SNX19: variants seen among roughly 807,000 people sequenced by gnomAD.
The protein encoded by SNX19 is sorting nexin-19.
In SNX19, 60 loss-of-function variants were observed where a neutral mutation model predicts 85.2. The ratio of observed to expected loss-of-function variants is 0.70; its 90% CI spans 0.57 to 0.87. The LOEUF is 0.87. Ranked by LOEUF, SNX19 falls within the 40% of genes least tolerant of loss-of-function variation. SNX19 has a pLI of 0.00. For synonymous variants in SNX19, 520 were observed against 470.0 expected, an observed-to-expected ratio of 1.11 and a Z score of -1.38; for missense variants, 1,201 against 1,217.8, an observed-to-expected ratio of 0.99 and a Z score of 0.21.
In SNX19 at chr11:130,877,824, T is replaced by C. The variant is rs1459187032; in HGVS notation, c.*598A>G. 6.6e-6 allele frequency: 1 copy of C among 152,618 alleles called. No homozygotes were observed. The highest frequency in any genetic ancestry group is 2.4e-5 in the African/African-American group (1 of 41,452). 9.5% of individuals were successfully genotyped at this position (152,618 alleles called of 1,614,324 possible). A position where few individuals can be genotyped will look rare whatever the true frequency, so the allele number is the denominator to read the frequency against. On this transcript the variant is annotated 3_prime_UTR_variant, in exon 11 of 11. Coordinates refer to ENST00000265909, the MANE Select transcript of SNX19 (RefSeq NM_014758.3). ...TGACATCTTCCATAAGGCTGATGTG[T>C]TGGGAAACAGCAACACATGAGCAAG...
chr11:130,898,150 C>G (rs935826280), intron 8 of SNX19, among the ~76,000 whole-genome samples: 4 of 99,380 alleles, frequency 4.0e-5, no homozygotes, highest in Non-Finnish European at 8.8e-5. Flanking sequence ...CGAACTTACT[C>G]TGTTTTTTTT....
rs1391061540 is a variant in SNX19 at position 130,916,020 on chromosome 11, T to C, written c.-81A>G. ...AGTTAGGGAAGGGGGGCATGAACTG[T>C]GTCTCAGATATGGGGCGATCTGGGT... On this transcript the variant is annotated 5_prime_UTR_variant, in exon 1 of 11. Coordinates refer to ENST00000265909, the MANE Select transcript of SNX19 (RefSeq NM_014758.3). The C allele has an allele frequency of 5.3e-6, 7 of 1,310,818 alleles. No individual in the cohort carries two copies. Among genetic ancestry groups the C allele is most frequent in the Middle Eastern group, 1.9e-4 (1 of 5,278 alleles). The allele number at this position is 1,310,818 out of a possible 1,614,324, so 81.2% of individuals were successfully genotyped here.
At position 130,916,230 on chromosome 11, in the gene SNX19, CG is replaced by C. The variant is rs986275999; in HGVS notation, c.-292del. 5.0e-6 allele frequency: 2 copies of C among 397,996 alleles called. No individual in the cohort carries two copies. The highest frequency in any genetic ancestry group is 9.2e-6 in the Non-Finnish European group (2 of 217,864). 24.7% of individuals were successfully genotyped at this position (397,996 alleles called of 1,614,324 possible). On this transcript the variant is annotated 5_prime_UTR_variant, in exon 1 of 11. Transcript: ENST00000265909. ...CACTGCCCCAGGCGGAAGGCCTCTT[CG>C]GGGCCTCGGGGCGGGCGCTGCAAGG...
intron 7 of SNX19, among the ~76,000 whole-genome samples, chr11:130,905,470 C>A (rs1211967679): frequency 6.6e-6 from 1 of 152,038 alleles, no homozygotes; most frequent in Non-Finnish European, 1.5e-5. Context: ...GAGCTGAAGC[C>A]AACACTACAG....
Position 130,868,073 on chromosome 11 carries a change from C to CT in SNX19, c.*10348dup, listed in dbSNP as rs1199020547. 6.6e-6 allele frequency: 1 copy of CT among 152,142 alleles called. No individual in the cohort carries two copies. Among genetic ancestry groups the CT allele is most frequent in the African/African-American group, 2.4e-5 (1 of 41,420 alleles). The allele number at this position is 152,142 out of a possible 1,614,324, so 9.4% of individuals were successfully genotyped here. On this transcript the variant is annotated 3_prime_UTR_variant, in exon 11 of 11. Coordinates refer to ENST00000265909, the MANE Select transcript of SNX19 (RefSeq NM_014758.3). ...AATGGCTTCTCTGCCTTCATATTGCCTGAAGAGTTAAACAGACACAATCTG... is the reference window on the plus strand; with the variant it reads ...AATGGCTTCTCTGCCTTCATATTGCCTTGAAGAGTTAAACAGACACAATCTG...
rs1351027765 is a variant in SNX19 at position 130,915,893 on chromosome 11, G to C, written c.47C>G (p.Ser16Trp). Reference sequence around the variant, plus strand: ...CAACAGGTTATTGAGGTGACAGCTCGATCCAGCTGGAGTTTCCTGGAACGG... The same window carrying C: ...CAACAGGTTATTGAGGTGACAGCTCCATCCAGCTGGAGTTTCCTGGAACGG... ...VPPFQETPAG[S>W]SCHLNNLLSS... The change falls in exon 1 of 11, where the codon TCG becomes TGG. Residue 16 changes from serine to tryptophan, a missense_variant. By Grantham distance (177) the Ser-to-Trp change is radical. Around this residue, in one of 3 missense-constraint regions of SNX19, gnomAD observed 791 missense variants for 750.9 expected, o/e 1.05. Coordinates refer to ENST00000265909, the MANE Select transcript of SNX19 (RefSeq NM_014758.3). 1 of 1,614,110 alleles carries C rather than the reference G, an allele frequency of 6.2e-7. No homozygotes were observed. The highest frequency in any genetic ancestry group is 8.5e-7 in the Non-Finnish European group (1 of 1,179,956).
Position 130,878,395 on chromosome 11 carries a change from A to G in SNX19, c.*27T>C. 6.2e-7 allele frequency: 1 copy of G among 1,610,686 alleles called. No homozygotes were observed. Among genetic ancestry groups the G allele is most frequent in the Non-Finnish European group, 8.5e-7 (1 of 1,178,090 alleles). On this transcript the variant is annotated 3_prime_UTR_variant, in exon 11 of 11. Coordinates refer to ENST00000265909, the MANE Select transcript of SNX19 (RefSeq NM_014758.3). ...GTGGCCGAGTAACTCTACTTCCCTG[A>G]CCTGGGAAGAAGGCGTGAATAACCA... is the stretch of plus-strand genomic sequence containing the variant.
rs1438797775 is a variant in SNX19, at chr11:130,874,848, GA to G, written c.*3573del. On this transcript the variant is annotated 3_prime_UTR_variant, in exon 11 of 11. Coordinates refer to ENST00000265909, the MANE Select transcript of SNX19 (RefSeq NM_014758.3). ...CTAATACCTTTTAAGATGCCATTAT[GA>G]AAAAACAAAACATTACAAGTGTTGG... 6.6e-6 allele frequency among the ~76,000 whole-genome samples: 1 copy of G among 152,164 alleles called. No individual in the cohort carries two copies. Among genetic ancestry groups the G allele is most frequent in the Non-Finnish European group, 1.5e-5 (1 of 68,030 alleles).
chr11:130,905,894 T>C (rs751896187), intron 7 of SNX19, 59 bp downstream of exon 7: 1 of 1,613,606 alleles, frequency 6.2e-7, no homozygotes, highest in South Asian at 1.1e-5. Flanking sequence ...CTACCCCAAG[T>C]ACCAAGTGGA....
Position 130,878,018 on chromosome 11 carries a change from G to GA in SNX19, c.*403_*404insT, listed in dbSNP as rs1943365821. 6.5e-6 allele frequency: 1 copy of GA among 154,004 alleles called. No homozygotes were observed. The highest frequency in any genetic ancestry group is 1.4e-5 in the Non-Finnish European group (1 of 69,282). The allele number at this position is 154,004 out of a possible 1,614,324, so 9.5% of individuals were successfully genotyped here. A position where few individuals can be genotyped will look rare whatever the true frequency, so the allele number is the denominator to read the frequency against. ...TCTCCTCCAAGGAAATCTGGCCACA[G>GA]TTTTTTTCCTGTTCTATCTAGAGCT... On this transcript the variant is annotated 3_prime_UTR_variant, in exon 11 of 11. Coordinates refer to ENST00000265909, the MANE Select transcript of SNX19 (RefSeq NM_014758.3).
intron 8 of SNX19, among the ~76,000 whole-genome samples, chr11:130,889,529 A>AAAATGC (rs776198450): frequency 1.3e-5 from 2 of 151,592 alleles, no homozygotes; most frequent in South Asian, 2.1e-4. Flanking sequence ...CTGTTGCAAA[A>AAAATGC]CTTTGAGTGA....
rs766122616 is a variant in SNX19 at position 130,911,806 on chromosome 11, C to T, written c.1675-35G>A. ...GAACAAATTGATTGACTCAATCAGC[C>T]GGGTTTCAGCAATCTTCTATTCTGG... On this transcript the variant is annotated intron_variant, in intron 1 of 10. Transcript: ENST00000265909. The T allele has an allele frequency of 2.6e-5, 42 of 1,602,766 alleles. 1 individual carries two copies. Among genetic ancestry groups the T allele is most frequent in the South Asian group, 7.7e-5 (7 of 90,656 alleles).
chr11:130,910,237 G>T (rs201127404), intron 3 of SNX19, 33 bp downstream of exon 3: 2 of 1,613,086 alleles, frequency 1.2e-6, no homozygotes, highest in East Asian at 4.5e-5. Flanking sequence ...CCAGGTTAAA[G>T]TGAGAACAAG....
Position 130,916,095 on chromosome 11 carries a change from C to G in SNX19, c.-156G>C, listed in dbSNP as rs778528148. ...GGCCCTCAAAGTCCTACAGGCACTG[C>G]AAAGCGACAGCTGCAGCTCCGCGTC... is the stretch of plus-strand genomic sequence containing the variant. On this transcript the variant is annotated 5_prime_UTR_variant, in exon 1 of 11. Transcript: ENST00000265909. 4.1e-5 allele frequency: 26 copies of G among 641,416 alleles called. No homozygotes were observed. Among genetic ancestry groups the G allele is most frequent in the Non-Finnish European group, 5.1e-5 (19 of 372,708 alleles). 39.7% of individuals were successfully genotyped at this position (641,416 alleles called of 1,614,324 possible).
intron 8 of SNX19, among the ~76,000 whole-genome samples, chr11:130,894,481 G>C (rs548588689): frequency 2.0e-5 from 3 of 152,362 alleles, no homozygotes; most frequent in South Asian, 2.1e-4. Flanking sequence ...CTAAACCGTA[G>C]AGCAAGCCAG....
At chr11:130,899,467 A>C (rs1410233351) in intron 8 of SNX19, among the ~76,000 whole-genome samples, 1 of 152,200 alleles carries the variant, frequency 6.6e-6, no homozygotes, top group Non-Finnish European at 1.5e-5. Flanking sequence ...AGGGCCAAAA[A>C]TGTCATTAAA....
intron 8 of SNX19, among the ~76,000 whole-genome samples, chr11:130,883,397 C>G (rs1373951056): frequency 6.6e-6 from 1 of 152,180 alleles, no homozygotes; most frequent in African/African-American, 2.4e-5. Context: ...AGGCACAGAA[C>G]TGGCCAACAG....
chr11:130,906,349 ATCCATT>A (rs2135393092), intron 6 of SNX19, among the ~76,000 whole-genome samples: 1 of 152,244 alleles, frequency 6.6e-6, no homozygotes, highest in South Asian at 2.1e-4. Flanking sequence ...ATTTTTGGTC[ATCCATT>A]TTTTTTTCCA....
rs774982055 is a variant in SNX19, at chr11:130,908,010, T to A, written c.2108A>T (p.Glu703Val). 3 of 1,614,036 alleles carry A rather than the reference T, an allele frequency of 1.9e-6. No homozygotes were observed. The highest frequency in any genetic ancestry group is 2.7e-5 in the African/African-American group (2 of 74,926). Residue 703 changes from glutamate to valine, a missense_variant, in exon 5 of 11, where the codon GAG becomes GTG. Coordinates refer to ENST00000265909, the MANE Select transcript of SNX19 (RefSeq NM_014758.3). ...GCTTTCGGTCTCGGCCTCACTCAGCTCCTCTGTGGGGCTCTGGGGTTCAGA... is the reference window on the plus strand; with the variant it reads ...GCTTTCGGTCTCGGCCTCACTCAGCACCTCTGTGGGGCTCTGGGGTTCAGA... ...PRSEPQSPTE[E>V]LSEAETESKP...
Sources: allele counts gnomAD v4.1 joint callset (sites outside exome capture counted in the v4.1 genomes callset), GRCh38; gene constraint gnomAD v4.1.1; regional missense constraint gnomAD v4.1.1; transcripts MANE v1.5; gene names NCBI Gene and HGNC (gene_info 2026-07-23, HGNC 2026-07-21).